SLIT3: variants seen among roughly 807,000 people sequenced by gnomAD.
The protein encoded by SLIT3 is slit homolog 3 protein.
Under a neutral mutation model 184.0 loss-of-function variants are expected in SLIT3, and 68 were observed. The ratio of observed to expected loss-of-function variants is 0.37; its 90% CI spans 0.30 to 0.45. The LOEUF is 0.45. SLIT3 is among the 20% of genes least tolerant of loss of function. The pLI is 1.00. For missense variants in SLIT3, 1,707 were observed against 2,026.0 expected (o/e 0.84, Z 3.02); for synonymous variants, 831 against 828.6 (o/e 1.00, Z -0.05).
intron 4 of SLIT3, among the ~76,000 whole-genome samples, chr5:169,081,344 T>A (rs76933376): frequency 6.6e-6 from 1 of 152,124 alleles, no homozygotes; most frequent in Non-Finnish European, 1.5e-5. Flanking sequence ...GCTGGGCCTC[T>A]GCCTCCCAGC....
Position 168,830,748 on chromosome 5 carries a change from C to T in SLIT3, c.558-7417G>A, listed in dbSNP as rs555040785. On this transcript the variant is annotated intron_variant, in intron 6 of 35. Coordinates refer to ENST00000519560, the MANE Select transcript of SLIT3 (RefSeq NM_003062.4). ...TGCTCAGATCTCACAGCCAGAGGTGCGGAGCCAATATTCAAAGCCCAGAGG... is the reference window on the plus strand; with the variant it reads ...TGCTCAGATCTCACAGCCAGAGGTGTGGAGCCAATATTCAAAGCCCAGAGG... Among the ~76,000 whole-genome samples, 5 of 152,232 alleles carry T rather than the reference C, an allele frequency of 3.3e-5. 1 individual carries two copies. Among genetic ancestry groups the T allele is most frequent in the Admixed American group, 1.3e-4 (2 of 15,292 alleles).
chr5:169,026,290 A>G (rs1401142255), intron 4 of SLIT3: 1 of 152,242 alleles, frequency 6.6e-6, no homozygotes, highest in Non-Finnish European at 1.5e-5. Context: ...TAGACAAAGT[A>G]TGTTGTTTTG....
At chr5:169,251,292 G>A (rs1433910383) in intron 2 of SLIT3, 96 bp downstream of exon 2, 1 of 837,786 alleles carries the variant, frequency 1.2e-6, no homozygotes, top group Non-Finnish European at 2.1e-6. Flanking sequence ...CTGTTGTCCA[G>A]GGCTTGGGAG....
intron 4 of SLIT3, among the ~76,000 whole-genome samples, chr5:168,991,868 T>G (rs1755343378): frequency 6.6e-6 from 1 of 151,880 alleles, no homozygotes; most frequent in South Asian, 2.1e-4. Flanking sequence ...TTCCCATCAG[T>G]CTCTGACCCA....
chr5:168,827,440 A>T (rs538235485), intron 6 of SLIT3, among the ~76,000 whole-genome samples: 17 of 152,224 alleles, frequency 1.1e-4, no homozygotes, highest in Middle Eastern at 3.4e-3. Flanking sequence ...ACGATTTTTT[A>T]AAAAATATAT....
chr5:168,672,874 C>T (rs564424538), intron 33 of SLIT3, among the ~76,000 whole-genome samples: 4 of 152,262 alleles, frequency 2.6e-5, no homozygotes, highest in African/African-American at 7.2e-5. Context: ...GGGAATATGA[C>T]CTGAAGCTGG....
intron 5 of SLIT3, among the ~76,000 whole-genome samples, chr5:168,856,766 C>CGTGTGTGTGTGTGTGTGTGTGT (rs372608852): frequency 7.5e-6 from 1 of 132,866 alleles, no homozygotes; most frequent in Non-Finnish European, 1.6e-5. Context: ...CTGAGTTCCT[C>CGTGTGTGTGTGTGTGTGTGTGT]GTGTGTGTGT....
chr5:169,055,099 G>A (rs1229312426), intron 4 of SLIT3, among the ~76,000 whole-genome samples: 2 of 152,092 alleles, frequency 1.3e-5, no homozygotes, highest in Non-Finnish European at 2.9e-5. Context: ...CTTCAATATG[G>A]TTGTTGCTCA....
At chr5:168,833,566 C>T (rs1315715209) in intron 6 of SLIT3, among the ~76,000 whole-genome samples, 1 of 152,170 alleles carries the variant, frequency 6.6e-6, no homozygotes, top group Non-Finnish European at 1.5e-5. Flanking sequence ...CTGGAAGGCC[C>T]TAGAAAGGGA....
chr5:168,788,925 G>C (rs957373977), intron 11 of SLIT3, among the ~76,000 whole-genome samples: 2 of 151,964 alleles, frequency 1.3e-5, no homozygotes, highest in African/African-American at 2.4e-5. Context: ...TCCATAAAAG[G>C]CTCAAGTGAC....
chr5:168,867,215 C>T (rs1759334617), intron 5 of SLIT3, among the ~76,000 whole-genome samples: 1 of 152,120 alleles, frequency 6.6e-6, no homozygotes, highest in Non-Finnish European at 1.5e-5. Flanking sequence ...TACAATGAAA[C>T]CATGCAATTA....
rs542942877 is a variant in SLIT3 at position 169,251,236 on chromosome 5, T to C, written c.269+152A>G. The stretch of plus-strand genomic sequence containing the variant: ...ACACAGAATGTGATACCTGTAAGCA[T>C]GTGGGTACGCTAACGAGGGGCTTTC... On this transcript the variant is annotated intron_variant, in intron 2 of 35. Transcript: ENST00000519560. The C allele has an allele frequency of 3.5e-5, 22 of 637,420 alleles. No individual in the cohort carries two copies. In the Admixed American group the frequency reaches 3.9e-4, roughly 11 times the overall value. The allele number at this position is 637,420 out of a possible 1,614,324, so 39.5% of individuals were successfully genotyped here.
chr5:168,808,159 G>C (rs1466565557), intron 8 of SLIT3, among the ~76,000 whole-genome samples: 1 of 151,162 alleles, frequency 6.6e-6, no homozygotes, highest in African/African-American at 2.5e-5. Flanking sequence ...ATCTAATGGA[G>C]ACCATGGAAA....
intron 5 of SLIT3, among the ~76,000 whole-genome samples, chr5:168,850,802 C>T (rs1326078710): frequency 6.6e-6 from 1 of 152,230 alleles, no homozygotes; most frequent in Non-Finnish European, 1.5e-5. Context: ...ACTGCATCCA[C>T]TCCAGTAGAT....
Position 168,664,954 on chromosome 5 carries a change from G to A in SLIT3, c.*1500C>T, listed in dbSNP as rs1180835087. 6.6e-6 allele frequency: 1 copy of A among 152,370 alleles called. No homozygotes were observed. The highest frequency in any genetic ancestry group is 6.5e-5 in the Admixed American group (1 of 15,306). The allele number at this position is 152,370 out of a possible 1,614,324, so 9.4% of individuals were successfully genotyped here. ...CCAGAATCTTTCCAGATACTGCGGAGGGAGAAGGAGTGAGCAAGGCAGAAC... is the reference window on the plus strand; with the variant it reads ...CCAGAATCTTTCCAGATACTGCGGAAGGAGAAGGAGTGAGCAAGGCAGAAC... On this transcript the variant is annotated 3_prime_UTR_variant, in exon 36 of 36. Transcript: ENST00000519560.
chr5:169,222,418 C>G (rs1463538003), intron 3 of SLIT3, among the ~76,000 whole-genome samples: 1 of 152,080 alleles, frequency 6.6e-6, no homozygotes, highest in Non-Finnish European at 1.5e-5. Flanking sequence ...TATTTCCCAC[C>G]ATTGCTAGTA....
intron 4 of SLIT3, among the ~76,000 whole-genome samples, chr5:168,904,652 A>G (rs1418531245): frequency 6.6e-6 from 1 of 152,144 alleles, no homozygotes; most frequent in Non-Finnish European, 1.5e-5. Flanking sequence ...GGGGACAAGA[A>G]TGACGTCAGG....
intron 6 of SLIT3, among the ~76,000 whole-genome samples, chr5:168,835,607 G>A (rs1280798369): frequency 3.3e-5 from 5 of 151,896 alleles, no homozygotes; most frequent in African/African-American, 9.7e-5. Context: ...TCAGGAGTTC[G>A]AGACCAGACT....
At chr5:169,021,335 T>C (rs1025078801) in intron 4 of SLIT3, among the ~76,000 whole-genome samples, 1 of 152,114 alleles carries the variant, frequency 6.6e-6, no homozygotes, top group African/African-American at 2.4e-5. Flanking sequence ...TATGTATTTA[T>C]GGTGAGATAG....
Sources: allele counts gnomAD v4.1 joint callset (sites outside exome capture counted in the v4.1 genomes callset), GRCh38; gene constraint gnomAD v4.1.1; transcripts MANE v1.5; gene names NCBI Gene and HGNC (gene_info 2026-07-23, HGNC 2026-07-21).